GPHN: variants seen among roughly 807,000 people sequenced by gnomAD.
GPHN encodes the protein gephyrin.
Under a neutral mutation model 95.5 loss-of-function variants are expected in GPHN, and 17 were observed. The ratio of observed to expected loss-of-function variants is 0.18; its 90% CI spans 0.12 to 0.27. The LOEUF is 0.27. GPHN is among the 10% of genes least tolerant of loss of function. The probability of loss-of-function intolerance (pLI) is 1.00; values close to 1 mark genes in which losing one functional copy is unlikely to be tolerated. For missense variants in GPHN, 660 were observed against 978.1 expected (o/e 0.67, Z 4.34); for synonymous variants, 320 against 322.5 (o/e 0.99, Z 0.08).
chr14:66,904,825 G>T (rs997735750), intron 5 of GPHN, among the ~76,000 whole-genome samples: 2 of 152,094 alleles, frequency 1.3e-5, no homozygotes, highest in Non-Finnish European at 2.9e-5. Flanking sequence ...GGTTCCATTG[G>T]TAAGACATCT....
chr14:67,161,230 T>A (rs1003614049), intron 19 of GPHN, among the ~76,000 whole-genome samples: 3 of 151,670 alleles, frequency 2.0e-5, no homozygotes, highest in African/African-American at 7.3e-5. Flanking sequence ...GAAGCAGAGG[T>A]TACAGTGAGC....
chr14:67,650,109 T>C, the GPHN span: 1 of 153,950 alleles, frequency 6.5e-6, no homozygotes, highest in Admixed American at 6.4e-5. Flanking sequence ...AGACACTGGG[T>C]CAGTCTGCTG....
At chr14:66,664,483 G>C (rs1018044121) in intron 1 of GPHN, among the ~76,000 whole-genome samples, 1 of 152,038 alleles carries the variant, frequency 6.6e-6, no homozygotes, top group African/African-American at 2.4e-5. Context: ...AGCTAAAGTA[G>C]TGTTAAGAAG....
At chr14:67,060,694 T>C (rs2153650670) in intron 11 of GPHN, among the ~76,000 whole-genome samples, 1 of 152,368 alleles carries the variant, frequency 6.6e-6, no homozygotes, top group East Asian at 1.9e-4. Context: ...CTCCTTTAAT[T>C]GGCTCCTTTA....
intron 2 of GPHN, among the ~76,000 whole-genome samples, chr14:66,705,339 A>C (rs2068975072): frequency 6.6e-6 from 1 of 152,228 alleles, no homozygotes; most frequent in African/African-American, 2.4e-5. Flanking sequence ...TCCTGATACC[A>C]AAACCGGGAA....
At chr14:67,137,127 G>A (rs1414897581) in intron 17 of GPHN, among the ~76,000 whole-genome samples, 1 of 151,482 alleles carries the variant, frequency 6.6e-6, no homozygotes, top group East Asian at 2.0e-4. Context: ...ATGCACTCCA[G>A]CCTGGGTGAC....
At chr14:67,033,946 C>T (rs1307537452) in intron 10 of GPHN, among the ~76,000 whole-genome samples, 1 of 152,188 alleles carries the variant, frequency 6.6e-6, no homozygotes, top group East Asian at 1.9e-4. Flanking sequence ...ACAAAATCTG[C>T]CAGTGAGGAA....
the GPHN span, among the ~76,000 whole-genome samples, chr14:67,381,997 G>A: frequency 6.6e-6 from 1 of 152,048 alleles, no homozygotes; most frequent in Non-Finnish European, 1.5e-5. Context: ...TTAAAAAAGA[G>A]TAACACTTTC....
At chr14:66,702,961 G>A (rs1000031994) in intron 2 of GPHN, among the ~76,000 whole-genome samples, 2 of 152,078 alleles carry the variant, frequency 1.3e-5, no homozygotes, top group African/African-American at 4.8e-5. Flanking sequence ...TGACCCTATG[G>A]AGCTAAAAAA....
Position 66,886,590 on chromosome 14 carries a change from G to GAAAAA in GPHN, c.389+6561_389+6565dup, listed in dbSNP as rs781310952. On this transcript the variant is annotated intron_variant, in intron 5 of 22. Coordinates refer to ENST00000478722, the MANE Select transcript of GPHN (RefSeq NM_020806.5). Reference sequence around the variant, plus strand: ...AAATGAGTTGACAAGTACAATCGCTGAAAAAAAATCATTAGTGGGATTCAA... The same window carrying GAAAAA: ...AAATGAGTTGACAAGTACAATCGCTGAAAAAAAAAAAAATCATTAGTGGGATTCAA... Among the ~76,000 whole-genome samples, 8 of 151,338 alleles carry GAAAAA rather than the reference G, an allele frequency of 5.3e-5. 1 individual carries two copies. Among genetic ancestry groups the GAAAAA allele is most frequent in the African/African-American group, 1.9e-4 (8 of 41,276 alleles).
chr14:67,059,014 GAAA>G (rs77636679), intron 11 of GPHN: 365 of 380,760 alleles, frequency 9.6e-4, no homozygotes, highest in Non-Finnish European at 1.1e-3. Context: ...TTAAAAAAAG[GAAA>G]AAAAAAAAAA....
At chr14:66,856,312 T>A (rs1194754774) in intron 4 of GPHN, among the ~76,000 whole-genome samples, 1 of 152,072 alleles carries the variant, frequency 6.6e-6, no homozygotes, top group Non-Finnish European at 1.5e-5. Context: ...TATTTCCAGG[T>A]AAAAATAAAC....
At chr14:67,189,296 C>T in the GPHN span, 1 of 152,230 alleles carries the variant, frequency 6.6e-6, no homozygotes. Flanking sequence ...CACTTCCTCT[C>T]AGGGGCAGAC....
At chr14:67,081,371 T>TA (rs2076687353) in intron 11 of GPHN, among the ~76,000 whole-genome samples, 1 of 152,128 alleles carries the variant, frequency 6.6e-6, no homozygotes. Context: ...GCGATTTTTT[T>TA]TATATATTTG....
intron 1 of GPHN, among the ~76,000 whole-genome samples, chr14:66,627,238 T>C (rs2063559606): frequency 6.6e-6 from 1 of 152,030 alleles, no homozygotes; most frequent in South Asian, 2.1e-4. Flanking sequence ...GTAACCCTTA[T>C]TCTGAATTTG....
At chr14:66,854,317 G>C (rs1425127378) in intron 4 of GPHN, among the ~76,000 whole-genome samples, 3 of 151,970 alleles carry the variant, frequency 2.0e-5, no homozygotes, top group Non-Finnish European at 4.4e-5. Flanking sequence ...CCAAATAATG[G>C]AAAAATGGGA....
chr14:66,613,416 G>A (rs571233506), intron 1 of GPHN, among the ~76,000 whole-genome samples: 3 of 152,000 alleles, frequency 2.0e-5, no homozygotes, highest in Non-Finnish European at 4.4e-5. Flanking sequence ...CCAACAAAAT[G>A]CATCACAACT....
chr14:67,198,123 T>C, the GPHN span: 1 of 1,590,680 alleles, frequency 6.3e-7, no homozygotes, highest in East Asian at 2.2e-5. Context: ...TAATTGTGTT[T>C]CCATTCCCTC....
At chr14:67,433,487 T>G in the GPHN span, among the ~76,000 whole-genome samples, 2 of 152,104 alleles carry the variant, frequency 1.3e-5, no homozygotes, top group African/African-American at 4.8e-5. Flanking sequence ...AATACAGAGA[T>G]GTACTTTGAT....
Sources: gnomAD v4.1 joint callset for allele counts (sites outside exome capture counted in the v4.1 genomes callset) on GRCh38, gnomAD v4.1.1 for gene constraint, MANE v1.5 for transcripts, NCBI Gene and HGNC (gene_info 2026-07-23, HGNC 2026-07-21) for gene names.